ANO2: variants seen among roughly 807,000 people sequenced by gnomAD.
ANO2 encodes the protein anoctamin-2.
In ANO2, 101 loss-of-function variants were observed where a neutral mutation model predicts 124.2. The observed-to-expected ratio is 0.81, with a 90% confidence interval of 0.69 to 0.96. The LOEUF is 0.96. Ranked by LOEUF, ANO2 falls within the 40% of genes least tolerant of loss-of-function variation. The pLI is 0.00. For synonymous variants in ANO2, 486 were observed against 482.5 expected (o/e 1.01, Z -0.09); for missense variants, 1,293 against 1,274.5 (o/e 1.01, Z -0.22).
chr12:5,672,993 T>A (rs544400549), intron 14 of ANO2, among the ~76,000 whole-genome samples: 10 of 152,182 alleles, frequency 6.6e-5, no homozygotes, highest in Non-Finnish European at 1.5e-4. Flanking sequence ...TGGGGAGGAA[T>A]CTTCCTCCCA....
At chr12:5,628,174 T>A (rs1328352701) in intron 16 of ANO2, among the ~76,000 whole-genome samples, 2 of 152,184 alleles carry the variant, frequency 1.3e-5, no homozygotes, top group Non-Finnish European at 2.9e-5. Context: ...TTAAAACTTA[T>A]AAAGCTCGCA....
At chr12:5,830,976 A>T (rs1954131415) in intron 5 of ANO2, among the ~76,000 whole-genome samples, 1 of 152,244 alleles carries the variant, frequency 6.6e-6, no homozygotes, top group Admixed American at 6.5e-5. Flanking sequence ...AGGGTGTTGG[A>T]TTATCACTCT....
intron 4 of ANO2, among the ~76,000 whole-genome samples, chr12:5,851,490 A>G (rs1954901796): frequency 6.6e-6 from 1 of 152,072 alleles, no homozygotes; most frequent in African/African-American, 2.4e-5. Flanking sequence ...ATTCGAGACC[A>G]GCTGGCCAAC....
Position 5,832,506 on chromosome 12 carries a change from C to T in ANO2, c.731G>A (p.Ser244Asn). 6.2e-7 allele frequency: 1 copy of T among 1,613,958 alleles called. No individual in the cohort carries two copies. Among genetic ancestry groups the T allele is most frequent in the Non-Finnish European group, 8.5e-7 (1 of 1,179,888 alleles). Reference sequence around the variant, plus strand: ...GGAGAGGTTTTTCATCTTGTTGTTGCTGTGTTCTGGAACTCGGGGCTGCAG... The same window carrying T: ...GGAGAGGTTTTTCATCTTGTTGTTGTTGTGTTCTGGAACTCGGGGCTGCAG... ...SHLQPRVPEH[S>N]NNKMKNLSYP... Residue 244 changes from serine to asparagine, a missense_variant, in exon 5 of 25, where the codon AGC becomes AAC. Ser to Asn is a conservative substitution (Grantham distance 46, BLOSUM62 1). Coordinates refer to ENST00000682330, the MANE Select transcript of ANO2 (RefSeq NM_001364791.2).
chr12:5,866,056 A>C (rs1416528328), intron 3 of ANO2, among the ~76,000 whole-genome samples: 3 of 152,206 alleles, frequency 2.0e-5, no homozygotes, highest in Non-Finnish European at 2.9e-5. Context: ...CCCATCCCAA[A>C]TCCAAGCCTA....
At chr12:5,771,954 A>C (rs1952094877) in intron 10 of ANO2, among the ~76,000 whole-genome samples, 1 of 152,186 alleles carries the variant, frequency 6.6e-6, no homozygotes, top group African/African-American at 2.4e-5. Flanking sequence ...GAGAGCTTCC[A>C]AGTACATGTC....
intron 13 of ANO2, among the ~76,000 whole-genome samples, chr12:5,737,457 A>C (rs1414447202): frequency 6.6e-6 from 1 of 152,216 alleles, no homozygotes; most frequent in Non-Finnish European, 1.5e-5. Context: ...AAGGGTATTG[A>C]GTTATAACTG....
At chr12:5,898,534 C>T (rs1052849271) in intron 3 of ANO2, among the ~76,000 whole-genome samples, 2 of 152,196 alleles carry the variant, frequency 1.3e-5, no homozygotes, top group South Asian at 2.1e-4. Context: ...TACATTCAAA[C>T]GATGAAATAC....
At chr12:5,776,647 C>T (rs539970280) in intron 10 of ANO2, among the ~76,000 whole-genome samples, 4 of 152,240 alleles carry the variant, frequency 2.6e-5, no homozygotes, top group African/African-American at 7.2e-5. Flanking sequence ...CCTGGTTACC[C>T]GGAAGAATCT....
chr12:5,755,226 C>G (rs923391767), intron 10 of ANO2, among the ~76,000 whole-genome samples: 5 of 151,876 alleles, frequency 3.3e-5, no homozygotes, highest in African/African-American at 9.7e-5. Context: ...TCATCCTACT[C>G]TCTCCTCACC....
intron 10 of ANO2, among the ~76,000 whole-genome samples, chr12:5,756,385 CT>C (rs1328220915): frequency 6.6e-6 from 1 of 152,068 alleles, no homozygotes; most frequent in Non-Finnish European, 1.5e-5. Flanking sequence ...TCTTTTTCAG[CT>C]CCTAATAAGG....
chr12:5,903,289 ACT>A (rs886686110), intron 3 of ANO2, among the ~76,000 whole-genome samples: 6 of 151,894 alleles, frequency 4.0e-5, no homozygotes, highest in Admixed American at 2.0e-4. Context: ...ATATTAAGAA[ACT>A]CTAAGAACAG....
intron 7 of ANO2, among the ~76,000 whole-genome samples, chr12:5,824,145 G>A (rs1325940137): frequency 6.6e-6 from 1 of 152,166 alleles, no homozygotes; most frequent in Non-Finnish European, 1.5e-5. Flanking sequence ...ACATGGCCTG[G>A]AGACATTTTC....
chr12:5,812,036 G>C (rs1283909251), intron 7 of ANO2, among the ~76,000 whole-genome samples: 1 of 134,160 alleles, frequency 7.5e-6, no homozygotes, highest in Non-Finnish European at 1.6e-5. Context: ...CCAAAAGAGA[G>C]AAAGGGAAGG....
At position 5,732,536 on chromosome 12, in the gene ANO2, G is replaced by A. The variant is rs370465886; in HGVS notation, c.1529C>T (p.Thr510Met). Residue 510 changes from threonine (T) to methionine (M), a missense_variant, in exon 14 of 25, where the codon ACG becomes ATG. By Grantham distance (81) the Thr-to-Met change is moderately conservative. Transcript: ENST00000682330. ...GCTTCATACCTCATCGCCACACTCCGTCGTGTTTGTTTCCAATTTCTGGAC... is the reference window on the plus strand; with the variant it reads ...GCTTCATACCTCATCGCCACACTCCATCGTGTTTGTTTCCAATTTCTGGAC... Reference protein sequence around the residue: ...SAVQKLETNTTECGDEDDEDK... With the variant: ...SAVQKLETNTMECGDEDDEDK... 3.1e-5 allele frequency: 50 copies of A among 1,613,190 alleles called. No homozygotes were observed. Among genetic ancestry groups the A allele is most frequent in the South Asian group, 1.5e-4 (14 of 90,936 alleles).
At chr12:5,621,860 A>G (rs1945134869) in intron 16 of ANO2, among the ~76,000 whole-genome samples, 1 of 152,080 alleles carries the variant, frequency 6.6e-6, no homozygotes, top group South Asian at 2.1e-4. Context: ...AGAAGGAGGA[A>G]GAGGGAGGAG....
chr12:5,658,887 A>G lies in ANO2; in HGVS notation c.1546-11086T>C, dbSNP rs1316998867. Among the ~76,000 whole-genome samples, 16 of 152,170 alleles carry G rather than the reference A, an allele frequency of 1.1e-4. No homozygotes were observed. Among genetic ancestry groups the G allele is most frequent in the Admixed American group, 1.0e-3 (16 of 15,286 alleles). On this transcript the variant is annotated intron_variant, in intron 14 of 24. Transcript: ENST00000682330. The surrounding 1 kb of genome is among the most constrained non-coding windows in gnomAD (Gnocchi z 4.3). ...CATCATCATCATCAACATCATTATC[A>G]TCATTAAAATCATCATCAGCAACAG...
chr12:5,772,150 A>C (rs544805457), intron 10 of ANO2, among the ~76,000 whole-genome samples: 1 of 152,346 alleles, frequency 6.6e-6, no homozygotes, highest in Admixed American at 6.5e-5. Context: ...ATATTAATGC[A>C]GAGCAAAAAA....
At chr12:5,605,647 G>A (rs1245645447) in intron 19 of ANO2, among the ~76,000 whole-genome samples, 2 of 152,154 alleles carry the variant, frequency 1.3e-5, no homozygotes, top group South Asian at 4.1e-4. Flanking sequence ...AATTTGAGAT[G>A]GAATTATAGC....
Sources: gnomAD v4.1 joint callset for allele counts (sites outside exome capture counted in the v4.1 genomes callset) on GRCh38, gnomAD v4.1.1 for gene constraint, Gnocchi (gnomAD v3.1) non-coding constraint, MANE v1.5 for transcripts, NCBI Gene and HGNC (gene_info 2026-07-23, HGNC 2026-07-21) for gene names.